DACH1: variants seen among roughly 807,000 people sequenced by gnomAD.
The protein encoded by DACH1 is dachshund homolog 1.
DACH1 carries 12 observed loss-of-function variants against 54.2 expected under a neutral mutation model. The observed-to-expected ratio is 0.22, with a 90% CI of 0.14 to 0.36. The LOEUF (loss-of-function observed/expected upper bound fraction) is 0.36. Ranked by LOEUF, DACH1 falls within the 10% of genes least tolerant of loss-of-function variation. The probability of loss-of-function intolerance (pLI) is 1.00; values close to 1 mark genes in which losing one functional copy is unlikely to be tolerated. For synonymous variants in DACH1, 386 were observed against 366.2 expected (o/e 1.05, Z -0.62); for missense variants, 805 against 929.8 (o/e 0.87, Z 1.75).
chr13:71,492,152 G>A (rs1215893749), intron 6 of DACH1, among the ~76,000 whole-genome samples: 2 of 151,874 alleles, frequency 1.3e-5, no homozygotes, highest in Admixed American at 6.6e-5. Context: ...AAAGTTACAC[G>A]AATTGTACAA....
chr13:71,611,207 A>T (rs1003499053), intron 3 of DACH1, among the ~76,000 whole-genome samples: 1 of 152,194 alleles, frequency 6.6e-6, no homozygotes, highest in South Asian at 2.1e-4. Context: ...GAGTTTTGAA[A>T]CTAAGATAAA....
At chr13:71,788,625 C>T (rs2138086538) in intron 1 of DACH1, among the ~76,000 whole-genome samples, 1 of 152,066 alleles carries the variant, frequency 6.6e-6, no homozygotes, top group East Asian at 1.9e-4. Context: ...TATATTAGTT[C>T]ATAAAATGTA....
At chr13:71,801,597 G>C (rs745998986) in intron 1 of DACH1, among the ~76,000 whole-genome samples, 5 of 152,100 alleles carry the variant, frequency 3.3e-5, no homozygotes, top group Non-Finnish European at 5.9e-5. Flanking sequence ...GGCAAAGTTT[G>C]AAACGCATTA....
At chr13:71,490,706 A>T (rs1015484894) in intron 6 of DACH1, among the ~76,000 whole-genome samples, 1 of 152,184 alleles carries the variant, frequency 6.6e-6, no homozygotes, top group Non-Finnish European at 1.5e-5. Flanking sequence ...GACACCATTT[A>T]CCTAGCTATC....
chr13:71,560,173 G>A (rs1263841461), intron 4 of DACH1, among the ~76,000 whole-genome samples: 2 of 152,130 alleles, frequency 1.3e-5, no homozygotes, highest in African/African-American at 2.4e-5. Flanking sequence ...ACAGGTAAGC[G>A]TGACTGCAGT....
chr13:71,587,463 CA>C (rs1873369024), intron 3 of DACH1, among the ~76,000 whole-genome samples: 1 of 151,968 alleles, frequency 6.6e-6, no homozygotes, highest in Non-Finnish European at 1.5e-5. Flanking sequence ...GTTAAAACCT[CA>C]AACAAACTTA....
intron 2 of DACH1, among the ~76,000 whole-genome samples, chr13:71,668,751 C>T (rs1054830802): frequency 6.6e-6 from 1 of 151,912 alleles, no homozygotes; most frequent in Non-Finnish European, 1.5e-5. Flanking sequence ...ATGGTGAAAC[C>T]CTGTCTCTAC....
chr13:71,620,791 G>A (rs1301730521), intron 3 of DACH1, among the ~76,000 whole-genome samples: 1 of 151,956 alleles, frequency 6.6e-6, no homozygotes, highest in Non-Finnish European at 1.5e-5. Flanking sequence ...ATCTTAAAAT[G>A]TAGTATCTTC....
rs774192138 is a variant in DACH1, at chr13:71,754,449, G to C, written c.849-72539C>G. Among the ~76,000 whole-genome samples, 18 of 152,296 alleles carry C rather than the reference G, an allele frequency of 1.2e-4. No individual in the cohort carries two copies. The South Asian group carries it at 1.2e-3, about 11-fold the overall frequency. Reference sequence around the variant, plus strand: ...GGGAGTTGATACTTTGCAAGGGGATGATGACTCTCAGTATTTTCCTAGCTG... The same window carrying C: ...GGGAGTTGATACTTTGCAAGGGGATCATGACTCTCAGTATTTTCCTAGCTG... On this transcript the variant is annotated intron_variant, in intron 1 of 10. Transcript: ENST00000613252.
At chr13:71,722,489 C>T (rs961062005) in intron 1 of DACH1, among the ~76,000 whole-genome samples, 8 of 152,052 alleles carry the variant, frequency 5.3e-5, no homozygotes, top group Non-Finnish European at 8.8e-5. Flanking sequence ...CTGGACAGAA[C>T]TTGAAAATTG....
chr13:71,701,734 T>C (rs1378528124), intron 1 of DACH1, among the ~76,000 whole-genome samples: 1 of 152,146 alleles, frequency 6.6e-6, no homozygotes, highest in East Asian at 1.9e-4. Context: ...TGTGAGATGA[T>C]AAAATATGGG....
chr13:71,622,502 A>G (rs2138546372), intron 3 of DACH1, among the ~76,000 whole-genome samples: 1 of 152,080 alleles, frequency 6.6e-6, no homozygotes, highest in East Asian at 1.9e-4. Context: ...ATTAATGAAG[A>G]AAAAAAGAAT....
At position 71,794,080 on chromosome 13, in the gene DACH1, T is replaced by A. The variant is rs180948806; in HGVS notation, c.848+71842A>T. ...CATTTTTTCCTTAAAAAAAAAGGTA[T>A]AAAGTAGTTAAGTTACTTTCCAAGG... On this transcript the variant is annotated intron_variant, in intron 1 of 10. Transcript: ENST00000613252. Among the ~76,000 whole-genome samples the A allele has an allele frequency of 2.8e-4, 43 of 152,144 alleles. No homozygotes were observed. The East Asian group carries it at 7.2e-3, about 25-fold the overall frequency.
At chr13:71,561,209 G>A (rs529335674) in intron 4 of DACH1, among the ~76,000 whole-genome samples, 26 of 152,160 alleles carry the variant, frequency 1.7e-4, no homozygotes, top group Middle Eastern at 3.4e-3. Flanking sequence ...TCTTAAATGC[G>A]CTTATGCTTG....
intron 6 of DACH1, among the ~76,000 whole-genome samples, chr13:71,551,332 T>C (rs1488634760): frequency 6.6e-6 from 1 of 152,132 alleles, no homozygotes; most frequent in African/African-American, 2.4e-5. Context: ...ATTATCCTCT[T>C]CTAGGTATTT....
At chr13:71,785,856 A>G (rs1366391089) in intron 1 of DACH1, among the ~76,000 whole-genome samples, 3 of 151,992 alleles carry the variant, frequency 2.0e-5, no homozygotes, top group Non-Finnish European at 4.4e-5. Flanking sequence ...TCTTCTACCT[A>G]TTTTTGCACT....
intron 1 of DACH1, among the ~76,000 whole-genome samples, chr13:71,745,221 C>T (rs1336055492): frequency 3.3e-5 from 5 of 152,092 alleles, no homozygotes; most frequent in Non-Finnish European, 7.4e-5. Context: ...ACTCATCTGT[C>T]CCCACTTTAG....
chr13:71,600,440 TC>T (rs1874409979), intron 3 of DACH1, among the ~76,000 whole-genome samples: 1 of 152,080 alleles, frequency 6.6e-6, no homozygotes, highest in African/African-American at 2.4e-5. Context: ...ATAAAGTCTT[TC>T]CATATAATTT....
chr13:71,521,605 T>C (rs1041012133), intron 6 of DACH1, among the ~76,000 whole-genome samples: 2 of 152,084 alleles, frequency 1.3e-5, no homozygotes, highest in Non-Finnish European at 2.9e-5. Context: ...TAAGCAGATG[T>C]CCAACATTTT....
Sources: allele counts gnomAD v4.1 joint callset (sites outside exome capture counted in the v4.1 genomes callset), GRCh38; gene constraint gnomAD v4.1.1; transcripts MANE v1.5; gene names NCBI Gene and HGNC (gene_info 2026-07-23, HGNC 2026-07-21).